SLC15A2: variants seen among roughly 807,000 people sequenced by gnomAD.
The protein encoded by SLC15A2 is kidney H(+)/peptide cotransporter.
A neutral mutation model predicts 95.5 loss-of-function variants in SLC15A2; 77 were observed. That is an observed-to-expected ratio of 0.81 (90% confidence interval 0.67 to 0.97). SLC15A2 has a LOEUF of 0.97. SLC15A2 is among the 50% of genes least tolerant of loss of function. SLC15A2 has a pLI of 0.00. For synonymous variants in SLC15A2, 306 were observed against 306.9 expected (o/e 1.00, Z 0.03); for missense variants, 893 against 874.4 (o/e 1.02, Z -0.27).
intron 1 of SLC15A2, among the ~76,000 whole-genome samples, chr3:121,895,654 T>C (rs1030164310): frequency 8.5e-5 from 13 of 152,186 alleles, no homozygotes; most frequent in African/African-American, 1.4e-4. Context: ...CTCATGTTAG[T>C]TGGTCTATTG....
At chr3:121,915,563 T>A (rs9812515) in intron 6 of SLC15A2, 53 bp from the exon 7 acceptor site, 613,591 of 1,354,072 alleles carry the variant, frequency 0.45, 144,239 homozygotes, top group East Asian at 0.72. Context: ...GAATAAAACA[T>A]CAAATATTCA....
At chr3:121,925,944 C>A (rs1376864951) in intron 13 of SLC15A2, among the ~76,000 whole-genome samples, 3 of 151,208 alleles carry the variant, frequency 2.0e-5, no homozygotes, top group African/African-American at 7.3e-5. Context: ...GGCATTTGTT[C>A]AATAAACCTG....
Position 121,894,513 on chromosome 3 carries a change from C to G in SLC15A2, c.37C>G (p.Leu13Val), listed in dbSNP as rs1348539807. 6.2e-7 allele frequency: 1 copy of G among 1,613,648 alleles called. No homozygotes were observed. Among genetic ancestry groups the G allele is most frequent in the Non-Finnish European group, 8.5e-7 (1 of 1,179,784 alleles). ...CCAGAAAAATGAGTCCAAGGAAACT[C>G]TTTTTTCACCTGTCTCCATTGAAGA... ...PFQKNESKET[L>V]FSPVSIEEVP... is the part of the protein sequence containing the mutation. The change falls in exon 1 of 22, where the codon CTT (leucine) becomes GTT (valine). Residue 13 changes from leucine (L) to valine (V), a missense_variant. Leu to Val is a conservative substitution (Grantham distance 32). Coordinates refer to ENST00000489711, the MANE Select transcript of SLC15A2 (RefSeq NM_021082.4).
rs1204012612 is a variant in SLC15A2 at position 121,929,089 on chromosome 3, G to C, written c.1449G>C (p.Glu483Asp). The change falls in exon 16 of 22, where the codon GAG (glutamate) becomes GAC (aspartate). Residue 483 changes from glutamate (E) to aspartate (D), a missense_variant. Transcript: ENST00000489711. ...LSLYTEHSVQEKNWYSLVIRE... is the reference protein window; with the variant it reads ...LSLYTEHSVQDKNWYSLVIRE... ...TCTACACTGAGCATTCTGTGCAGGA[G>C]AAGAACTGGTACAGTCTTGTCATTC... 3.1e-6 allele frequency: 5 copies of C among 1,613,998 alleles called. No homozygotes were observed. The African/African-American group carries it at 6.7e-5, about 22-fold the overall frequency.
intron 18 of SLC15A2, among the ~76,000 whole-genome samples, chr3:121,931,398 T>C (rs1217325414): frequency 6.6e-6 from 1 of 152,244 alleles, no homozygotes; most frequent in Non-Finnish European, 1.5e-5. Context: ...ATATGATTTG[T>C]AACTTCTTTA....
chr3:121,928,486 T>A lies in SLC15A2; in HGVS notation c.1272T>A (p.Asp424Glu). 6.2e-7 allele frequency: 1 copy of A among 1,614,030 alleles called. No individual in the cohort carries two copies. Among genetic ancestry groups the A allele is most frequent in the Non-Finnish European group, 8.5e-7 (1 of 1,179,880 alleles). Residue 424 changes from aspartate to glutamate, a missense_variant, in exon 15 of 22, where the codon GAT becomes GAA. By Grantham distance (45) the Asp-to-Glu change is conservative. Coordinates refer to ENST00000489711, the MANE Select transcript of SLC15A2 (RefSeq NM_021082.4). ...TACAAGTCTTGAATCTGGCAGATGA[T>A]GAGGTGAAGGTGACAGTGGTGGGAA... Reference protein sequence around the residue: ...VFLQVLNLADDEVKVTVVGNE... With the variant: ...VFLQVLNLADEEVKVTVVGNE...
chr3:121,918,608 C>T (rs905837538), intron 7 of SLC15A2, among the ~76,000 whole-genome samples: 7 of 151,130 alleles, frequency 4.6e-5, no homozygotes, highest in African/African-American at 1.7e-4. Flanking sequence ...CTTCAAGAAA[C>T]GCCAGGATTT....
chr3:121,899,707 C>G (rs1709488244), intron 3 of SLC15A2, among the ~76,000 whole-genome samples: 1 of 152,044 alleles, frequency 6.6e-6, no homozygotes, highest in Non-Finnish European at 1.5e-5. Flanking sequence ...TCCAAGGAAC[C>G]ATGGAGGATG....
chr3:121,934,095 G>C (rs922730743), intron 19 of SLC15A2, among the ~76,000 whole-genome samples: 1 of 152,020 alleles, frequency 6.6e-6, no homozygotes, highest in Non-Finnish European at 1.5e-5. Context: ...TTATTTCTGA[G>C]GGCTCTGTTC....
intron 21 of SLC15A2, 36 bp downstream of exon 21, chr3:121,940,524 C>T (rs1710440519): frequency 2.6e-6 from 4 of 1,522,402 alleles, no homozygotes; most frequent in Non-Finnish European, 3.6e-6. Context: ...CATTTCTACT[C>T]AAGTTTTTCC....
chr3:121,922,178 A>G (rs574542706), intron 7 of SLC15A2, 42 bp from the exon 8 acceptor site: 1 of 1,545,404 alleles, frequency 6.5e-7, no homozygotes, highest in East Asian at 2.2e-5. Flanking sequence ...CACCAACCTA[A>G]TAAATGAGAA....
chr3:121,934,143 A>C (rs1229309307), intron 19 of SLC15A2, among the ~76,000 whole-genome samples: 1 of 152,184 alleles, frequency 6.6e-6, no homozygotes, highest in Non-Finnish European at 1.5e-5. Flanking sequence ...GGTACCAGTA[A>C]CATGCTGTTT....
intron 4 of SLC15A2, 65 bp downstream of exon 4, chr3:121,911,731 T>G: frequency 9.1e-7 from 1 of 1,096,786 alleles, no homozygotes; most frequent in South Asian, 1.3e-5. Context: ...TTATTTTCTG[T>G]TTTCTTACCA....
chr3:121,898,364 A>G lies in SLC15A2; in HGVS notation c.335+835A>G, dbSNP rs573914288. Among the ~76,000 whole-genome samples, 17 of 152,184 alleles carry G rather than the reference A, an allele frequency of 1.1e-4. No homozygotes were observed. In the South Asian group the frequency reaches 2.7e-3, roughly 24 times the overall value. ...ATCTAATATTTTCATGAGTTAGACTATTGGTTCATTCAGTTCAGTATCTTT... is the reference window on the plus strand; with the variant it reads ...ATCTAATATTTTCATGAGTTAGACTGTTGGTTCATTCAGTTCAGTATCTTT... On this transcript the variant is annotated intron_variant, in intron 3 of 21. Coordinates refer to ENST00000489711, the MANE Select transcript of SLC15A2 (RefSeq NM_021082.4).
intron 7 of SLC15A2, among the ~76,000 whole-genome samples, chr3:121,917,537 A>T (rs1454859602): frequency 6.6e-6 from 1 of 152,050 alleles, no homozygotes; most frequent in Non-Finnish European, 1.5e-5. Flanking sequence ...AACATTTAAA[A>T]ATTAGCCGAG....
intron 5 of SLC15A2, 104 bp from the exon 6 acceptor site, chr3:121,915,123 C>A: frequency 1.8e-6 from 2 of 1,108,624 alleles, no homozygotes; most frequent in South Asian, 1.7e-5. Flanking sequence ...GAGGCAATAT[C>A]TGAATCTTTC....
intron 3 of SLC15A2, among the ~76,000 whole-genome samples, chr3:121,910,738 T>C (rs912641564): frequency 8.5e-5 from 13 of 152,208 alleles, no homozygotes; most frequent in African/African-American, 2.9e-4. Context: ...TCTACTTATA[T>C]GTGGGAATGC....
chr3:121,903,577 A>C (rs1209460195), intron 3 of SLC15A2, among the ~76,000 whole-genome samples: 1 of 152,166 alleles, frequency 6.6e-6, no homozygotes, highest in Non-Finnish European at 1.5e-5. Flanking sequence ...ATGGCTAGCC[A>C]GTTTTCCTAG....
rs1045962231 is a variant in SLC15A2, at chr3:121,941,858, T to G, written c.*851T>G. On this transcript the variant is annotated 3_prime_UTR_variant, in exon 22 of 22. Coordinates refer to ENST00000489711, the MANE Select transcript of SLC15A2 (RefSeq NM_021082.4). ...AGTTGTATAAACAATAATTATAATT[T>G]GCAACCTTGTCTTGTCAACCTTGCT... 13 of 152,236 alleles carry G rather than the reference T, an allele frequency of 8.5e-5. No individual in the cohort carries two copies. The highest frequency in any genetic ancestry group is 5.9e-5 in the Non-Finnish European group (4 of 68,042). 9.4% of individuals were successfully genotyped at this position (152,236 alleles called of 1,614,324 possible).
Sources: allele counts gnomAD v4.1 joint callset (sites outside exome capture counted in the v4.1 genomes callset), GRCh38; gene constraint gnomAD v4.1.1; transcripts MANE v1.5; gene names NCBI Gene and HGNC (gene_info 2026-07-23, HGNC 2026-07-21).